RBM4: variants seen among roughly 807,000 people sequenced by gnomAD.
RBM4 encodes the protein RNA-binding protein 4.
RBM4 carries 7 observed loss-of-function variants against 29.5 expected under a neutral mutation model. That is an observed-to-expected ratio of 0.24 (90% confidence interval 0.14 to 0.45). The LOEUF is 0.45. Among genes scored for constraint, RBM4 ranks in the 20% least tolerant of loss-of-function variants. The pLI is 1.00. For synonymous variants in RBM4, 220 were observed against 205.4 expected, an observed-to-expected ratio of 1.07 and a Z score of -0.61; for missense variants, 387 against 502.3, an observed-to-expected ratio of 0.77 and a Z score of 2.19.
chr11:66,639,668 C>T (rs1938355905), intron 1 of RBM4, 32 bp from the exon 2 acceptor site: 1 of 1,601,996 alleles, frequency 6.2e-7, no homozygotes, highest in Non-Finnish European at 8.5e-7. Context: ...GGCCTGAGGT[C>T]TTTTGTCAGA....
intron 2 of RBM4, among the ~76,000 whole-genome samples, chr11:66,641,478 T>C (rs987998275): frequency 7.9e-5 from 12 of 152,216 alleles, no homozygotes; most frequent in African/African-American, 2.7e-4. Flanking sequence ...AATTATTTTG[T>C]CAACAACTTA....
At chr11:66,639,616 ATACAT>A in intron 1 of RBM4, 79 bp from the exon 2 acceptor site, 1 of 1,498,190 alleles carries the variant, frequency 6.7e-7, no homozygotes, top group Non-Finnish European at 9.0e-7. Context: ...AACTGGAAAT[ATACAT>A]TAGAGTGAAA....
At chr11:66,648,772 C>T (rs1042215238), downstream of RBM4, among the ~76,000 whole-genome samples, 1 of 151,570 alleles carries the variant, frequency 6.6e-6, no homozygotes, top group African/African-American at 2.4e-5. Flanking sequence ...GAGATGGAGC[C>T]ATTGCACTCA....
chr11:66,644,452 C>A (rs574300575), intron 3 of RBM4: 1 of 250,530 alleles, frequency 4.0e-6, no homozygotes, highest in Non-Finnish European at 7.3e-6. Context: ...TTGAACCTTA[C>A]CTGGGGACCC....
exon 3 of RBM4, chr11:66,666,227 G>A: frequency 2.2e-6 from 2 of 896,672 alleles, no homozygotes; most frequent in Non-Finnish European, 2.9e-6. Flanking sequence ...TTGATGATGG[G>A]AACTCCAGAC....
chr11:66,663,652 AAGG>A lies in RBM4; in HGVS notation c.413-2201_413-2199del, dbSNP rs1191410411. ...CCTAATTGTTTTTTAAAAATTAAAA[AAGG>A]AGAAACACTGGAGAGGGGTGGTAAC... is the stretch of plus-strand genomic sequence containing the variant. On this transcript the variant is annotated intron_variant, in intron 2 of 2. Coordinates refer to the RBM4 transcript ENST00000396053. Among the ~76,000 whole-genome samples, 10 of 152,264 alleles carry A rather than the reference AAGG, an allele frequency of 6.6e-5. No individual in the cohort carries two copies. In the South Asian group the frequency reaches 1.0e-3, roughly 16 times the overall value.
chr11:66,649,084 G>A (rs939199050), downstream of RBM4, among the ~76,000 whole-genome samples: 2 of 151,804 alleles, frequency 1.3e-5, no homozygotes, highest in Non-Finnish European at 2.9e-5. Context: ...CTGGCTCACC[G>A]CAGCCTCTGC....
chr11:66,655,891 T>C (rs1306312870), intron 2 of RBM4, among the ~76,000 whole-genome samples: 2 of 152,184 alleles, frequency 1.3e-5, no homozygotes, highest in Non-Finnish European at 2.9e-5. Context: ...AAAAATCAGC[T>C]TTTCTGAGTT....
At chr11:66,654,505 A>AT (rs1382621343) in intron 2 of RBM4, among the ~76,000 whole-genome samples, 2 of 150,464 alleles carry the variant, frequency 1.3e-5, no homozygotes, top group African/African-American at 2.4e-5. Context: ...CAAAAAAAAA[A>AT]TTTTTTTTAT....
At chr11:66,648,923 C>T (rs1938766633), downstream of RBM4, among the ~76,000 whole-genome samples, 1 of 150,910 alleles carries the variant, frequency 6.6e-6, no homozygotes, top group Non-Finnish European at 1.5e-5. Context: ...GTAGTTTTTT[C>T]ATGACTCAGA....
At chr11:66,650,360 G>A (rs538242653), downstream of RBM4, among the ~76,000 whole-genome samples, 6 of 152,066 alleles carry the variant, frequency 3.9e-5, no homozygotes, top group South Asian at 1.2e-3. Context: ...ACCTGAGGTC[G>A]GGAGTTCAAG....
intron 2 of RBM4, among the ~76,000 whole-genome samples, chr11:66,652,754 C>T (rs1190566855): frequency 6.6e-6 from 1 of 152,148 alleles, no homozygotes; most frequent in African/African-American, 2.4e-5. Flanking sequence ...GTCGTAGTCT[C>T]AGCTACTACA....
chr11:66,651,584 T>G (rs1188997), intron 2 of RBM4, among the ~76,000 whole-genome samples: 3 of 152,016 alleles, frequency 2.0e-5, no homozygotes, highest in Admixed American at 6.5e-5. Context: ...TCCTGACCTC[T>G]TGATCCGCCT....
downstream of RBM4, among the ~76,000 whole-genome samples, chr11:66,649,144 T>C (rs899198235): frequency 2.6e-5 from 4 of 152,116 alleles, no homozygotes; most frequent in African/African-American, 9.6e-5. Context: ...GTAGCTGGGA[T>C]TACAGGCGCC....
At chr11:66,645,376 C>T (rs1938646783) in intron 3 of RBM4, among the ~76,000 whole-genome samples, 2 of 152,210 alleles carry the variant, frequency 1.3e-5, no homozygotes, top group Non-Finnish European at 2.9e-5. Context: ...TGATAGATAA[C>T]TGTCATCTTT....
intron 2 of RBM4, 142 bp downstream of exon 2, chr11:66,640,265 T>C: frequency 8.8e-7 from 1 of 1,137,296 alleles, no homozygotes; most frequent in Non-Finnish European, 1.3e-6. Context: ...ATGGACTTCT[T>C]ATGATGTAGA....
Position 66,639,904 on chromosome 11 carries a change from A to G in RBM4, c.193A>G (p.Ile65Val). The G allele has an allele frequency of 6.2e-7, 1 of 1,614,224 alleles. No homozygotes were observed. The highest frequency in any genetic ancestry group is 8.5e-7 in the Non-Finnish European group (1 of 1,180,040). ...CCATTACAAGCTTCATGGGGTGAAC[A>G]TCAACGTGGAAGCCAGCAAGAATAA... is the stretch of plus-strand genomic sequence containing the variant. ...LHHYKLHGVN[I>V]NVEASKNKSK... The change falls in exon 2 of 4, where the codon ATC becomes GTC. Residue 65 changes from isoleucine to valine, a missense_variant. Coordinates refer to ENST00000310092, the MANE Select transcript of RBM4 (RefSeq NM_002896.4).
downstream of RBM4, among the ~76,000 whole-genome samples, chr11:66,649,528 C>CATTATTTTT (rs1938780355): frequency 6.6e-6 from 1 of 152,134 alleles, no homozygotes; most frequent in Non-Finnish European, 1.5e-5. Context: ...GGTGACAGAG[C>CATTATTTTT]AAGACGAATT....
At chr11:66,653,581 C>T (rs557297000) in intron 2 of RBM4, among the ~76,000 whole-genome samples, 6 of 152,222 alleles carry the variant, frequency 3.9e-5, no homozygotes, top group African/African-American at 9.6e-5. Flanking sequence ...AGGCTGTTCT[C>T]GAACTCTTGA....
Sources: allele counts gnomAD v4.1 joint callset (sites outside exome capture counted in the v4.1 genomes callset), GRCh38; gene constraint gnomAD v4.1.1; transcripts MANE v1.5; gene names NCBI Gene and HGNC (gene_info 2026-07-23, HGNC 2026-07-21).